NCK2: variants seen among roughly 807,000 people sequenced by gnomAD.
NCK2 encodes the protein cytoplasmic protein NCK2.
A neutral mutation model predicts 33.9 loss-of-function variants in NCK2; 16 were observed. The ratio of observed to expected loss-of-function variants is 0.47; its 90% CI spans 0.32 to 0.72. NCK2 has a LOEUF of 0.72. Ranked by LOEUF, NCK2 falls within the 30% of genes least tolerant of loss-of-function variation. The pLI, the probability that NCK2 is intolerant of heterozygous loss-of-function variation, is 0.03. For missense variants in NCK2, 418 were observed against 537.3 expected (o/e 0.78, Z 2.19); for synonymous variants, 273 against 239.9 (o/e 1.14, Z -1.27).
At chr2:105,778,810 ACTT>A (rs966400447) in intron 1 of NCK2, among the ~76,000 whole-genome samples, 3 of 151,852 alleles carry the variant, frequency 2.0e-5, no homozygotes, top group Admixed American at 6.6e-5. Flanking sequence ...GCAGCCTCAA[ACTT>A]CTGGGTTCCA....
intron 4 of NCK2, among the ~76,000 whole-genome samples, chr2:105,888,691 G>A (rs963787094): frequency 9.2e-5 from 14 of 152,308 alleles, no homozygotes; most frequent in South Asian, 8.3e-4. Flanking sequence ...TGGCAGAAGC[G>A]ATGGAGGGCA....
At position 105,814,983 on chromosome 2, in the gene NCK2, T is replaced by G. The variant is rs143200577; in HGVS notation, c.-200-1447T>G. On this transcript the variant is annotated intron_variant, in intron 1 of 4. Coordinates refer to ENST00000233154, the MANE Select transcript of NCK2 (RefSeq NM_003581.5). Reference sequence around the variant, plus strand: ...ACATACAGAGGTGGTGTTTGGGGCATGGTACCCAGCACATTGCCCTTTGCT... The same window carrying G: ...ACATACAGAGGTGGTGTTTGGGGCAGGGTACCCAGCACATTGCCCTTTGCT... Among the ~76,000 whole-genome samples the G allele has an allele frequency of 4.2e-3, 633 of 152,360 alleles. 2 individuals are homozygous for G. The highest frequency in any genetic ancestry group is 6.6e-3 in the Non-Finnish European group (451 of 68,032).
chr2:105,852,091 G>A (rs375886135), intron 2 of NCK2, among the ~76,000 whole-genome samples: 11 of 152,166 alleles, frequency 7.2e-5, no homozygotes, highest in African/African-American at 2.4e-4. Context: ...TGCAGACCAC[G>A]CATCGGACGG....
intron 2 of NCK2, among the ~76,000 whole-genome samples, chr2:105,850,871 T>C (rs1480156001): frequency 1.3e-5 from 2 of 152,208 alleles, no homozygotes; most frequent in African/African-American, 2.4e-5. Flanking sequence ...CTGCAGTCTC[T>C]TTCTGTTCAA....
chr2:105,889,559 G>A (rs1183340841), intron 4 of NCK2, among the ~76,000 whole-genome samples: 1 of 147,424 alleles, frequency 6.8e-6, no homozygotes. Context: ...CAGAGCCTGA[G>A]AATTTGCATT....
intron 4 of NCK2, among the ~76,000 whole-genome samples, chr2:105,892,297 C>T (rs1679021166): frequency 6.6e-6 from 1 of 152,098 alleles, no homozygotes; most frequent in South Asian, 2.1e-4. Flanking sequence ...TTAATAAATT[C>T]CCAGTTTATC....
Position 105,881,174 on chromosome 2 carries a change from A to C in NCK2, c.227-154A>C, listed in dbSNP as rs117501762. On this transcript the variant is annotated intron_variant, in intron 3 of 4. Coordinates refer to ENST00000233154, the MANE Select transcript of NCK2 (RefSeq NM_003581.5). ...ACAGGAGGCAGCTGCCAGCAACCGT[A>C]TTTTTCTCATGGTAATTACAGTTTG... is the stretch of plus-strand genomic sequence containing the variant. 3.3e-4 allele frequency among the ~76,000 whole-genome samples: 50 copies of C among 152,104 alleles called. 1 individual carries two copies. The East Asian group carries it at 8.1e-3, about 25-fold the overall frequency.
chr2:105,766,073 A>G (rs11676842), intron 1 of NCK2, among the ~76,000 whole-genome samples: 51,000 of 151,812 alleles, frequency 0.34, 9,654 homozygotes, highest in East Asian at 0.46. Context: ...CATTGCTACC[A>G]TGGATAGTAG....
At chr2:105,778,520 G>A (rs1313189161) in intron 1 of NCK2, among the ~76,000 whole-genome samples, 1 of 152,192 alleles carries the variant, frequency 6.6e-6, no homozygotes, top group Non-Finnish European at 1.5e-5. Context: ...GAAGCCCTTG[G>A]TTCTGGGCAG....
At chr2:105,822,713 A>G (rs1161506105) in intron 2 of NCK2, among the ~76,000 whole-genome samples, 1 of 152,034 alleles carries the variant, frequency 6.6e-6, no homozygotes, top group Non-Finnish European at 1.5e-5. Context: ...TTTTCCTTAG[A>G]TAGAAACTGA....
intron 1 of NCK2, among the ~76,000 whole-genome samples, chr2:105,812,620 G>C (rs2889602): frequency 0.23 from 34,798 of 152,060 alleles, 6,444 homozygotes; most frequent in African/African-American, 0.49. Flanking sequence ...TGAGAGCTCT[G>C]AGGCCTATGC....
At chr2:105,891,877 A>G (rs766485850) in intron 4 of NCK2, among the ~76,000 whole-genome samples, 1 of 152,194 alleles carries the variant, frequency 6.6e-6, no homozygotes, top group Non-Finnish European at 1.5e-5. Flanking sequence ...TAAAATAATG[A>G]CATGTTTCTA....
intron 3 of NCK2, among the ~76,000 whole-genome samples, chr2:105,870,983 G>A (rs750010957): frequency 2.3e-4 from 35 of 152,180 alleles, no homozygotes; most frequent in Admixed American, 3.9e-4. Context: ...CAGGGTCAGC[G>A]TGTTGTGTGC....
In NCK2 at chr2:105,851,167, G is replaced by A. The variant is rs550797349; in HGVS notation, c.-16-3881G>A. 7.7e-4 allele frequency among the ~76,000 whole-genome samples: 117 copies of A among 152,284 alleles called. 1 individual carries two copies. Among genetic ancestry groups the A allele is most frequent in the African/African-American group, 2.7e-3 (113 of 41,550 alleles). ...ATGAGGGAGCCATTGTTGTATCAGT[G>A]CATGGCCATAACTCAGCTTCAGAAC... On this transcript the variant is annotated intron_variant, in intron 2 of 4. Coordinates refer to ENST00000233154, the MANE Select transcript of NCK2 (RefSeq NM_003581.5).
At chr2:105,888,093 T>G (rs185005728) in intron 4 of NCK2, among the ~76,000 whole-genome samples, 72 of 152,310 alleles carry the variant, frequency 4.7e-4, no homozygotes, top group African/African-American at 1.7e-3. Flanking sequence ...ACACAGAATC[T>G]AAAGCCTAAA....
At chr2:105,873,472 C>G (rs1678100410) in intron 3 of NCK2, among the ~76,000 whole-genome samples, 1 of 152,170 alleles carries the variant, frequency 6.6e-6, no homozygotes, top group African/African-American at 2.4e-5. Flanking sequence ...ATGCACGCCA[C>G]CCAGCTATGA....
intron 4 of NCK2, among the ~76,000 whole-genome samples, chr2:105,889,230 TC>T (rs556413224): frequency 2.0e-5 from 3 of 152,186 alleles, no homozygotes; most frequent in Non-Finnish European, 4.4e-5. Flanking sequence ...GTCCCAGCTG[TC>T]CCTTCAGGGG....
At chr2:105,882,467 T>G (rs17031922) in intron 4 of NCK2, among the ~76,000 whole-genome samples, 3,582 of 152,316 alleles carry the variant, frequency 0.024, 148 homozygotes, top group African/African-American at 0.08. Flanking sequence ...TTCTGACACC[T>G]CCTTTTGTTG....
rs997452964 is a variant in NCK2, at chr2:105,875,935, T to C, written c.227-5393T>C. 5.3e-5 allele frequency among the ~76,000 whole-genome samples: 8 copies of C among 152,364 alleles called. No homozygotes were observed. In the East Asian group the frequency reaches 1.5e-3, roughly 29 times the overall value. ...TAAGAGTTAAAATCCTGCTCACTGC[T>C]GAGCATGTCTATGAAACAGCATCTT... is the stretch of plus-strand genomic sequence containing the variant. On this transcript the variant is annotated intron_variant, in intron 3 of 4. Coordinates refer to ENST00000233154, the MANE Select transcript of NCK2 (RefSeq NM_003581.5).
Sources: allele counts gnomAD v4.1 joint callset (sites outside exome capture counted in the v4.1 genomes callset), GRCh38; gene constraint gnomAD v4.1.1; transcripts MANE v1.5; gene names NCBI Gene and HGNC (gene_info 2026-07-23, HGNC 2026-07-21).